Variants in ROBO2 observed in about 807,000 individuals in gnomAD.
ROBO2 encodes roundabout guidance receptor 2.
A neutral mutation model predicts 160.8 loss-of-function variants in ROBO2; 53 were observed. The ratio of observed to expected loss-of-function variants is 0.33; its 90% CI spans 0.26 to 0.41. The LOEUF is 0.41. Among genes scored for constraint, ROBO2 ranks in the 10% least tolerant of loss-of-function variants. The pLI is 1.00. For missense variants in ROBO2, 1,577 were observed against 1,722.4 expected (o/e 0.92, Z 1.49); for synonymous variants, 664 against 611.7 (o/e 1.09, Z -1.26).
At chr3:76,544,744 T>A (rs762154819) in intron 2 of ROBO2, among the ~76,000 whole-genome samples, 1 of 151,992 alleles carries the variant, frequency 6.6e-6, no homozygotes, top group Non-Finnish European at 1.5e-5. Context: ...TTCCTGTGCC[T>A]CTGTTTCCTC....
At chr3:76,435,007 A>G (rs1170465908) in intron 2 of ROBO2, 4 of 1,498,172 alleles carry the variant, frequency 2.7e-6, no homozygotes, top group East Asian at 2.3e-5. Flanking sequence ...AATCAGGAAA[A>G]TGTTTCCAAC....
intron 1 of ROBO2, among the ~76,000 whole-genome samples, chr3:77,096,624 AT>A (rs2071102992): frequency 6.6e-6 from 1 of 151,806 alleles, no homozygotes; most frequent in Non-Finnish European, 1.5e-5. Flanking sequence ...AAGTTTTTAC[AT>A]TTTTAGTAGA....
At chr3:77,059,405 A>G (rs944987031) in intron 1 of ROBO2, among the ~76,000 whole-genome samples, 2 of 152,240 alleles carry the variant, frequency 1.3e-5, no homozygotes, top group Non-Finnish European at 2.9e-5. Context: ...TGAACATTTA[A>G]GGATTCATGA....
chr3:75,911,455 A>C (rs1946576091), intron 1 of ROBO2, among the ~76,000 whole-genome samples: 1 of 151,606 alleles, frequency 6.6e-6, no homozygotes, highest in Non-Finnish European at 1.5e-5. Flanking sequence ...AGGTCCAATT[A>C]GGATTAGATT....
At chr3:76,807,529 A>G (rs2064825564) in intron 2 of ROBO2, among the ~76,000 whole-genome samples, 1 of 152,088 alleles carries the variant, frequency 6.6e-6, no homozygotes, top group Non-Finnish European at 1.5e-5. Context: ...TTATTAACTC[A>G]TCAAAAATTG....
intron 2 of ROBO2, among the ~76,000 whole-genome samples, chr3:77,016,018 C>T (rs2062220972): frequency 6.6e-6 from 1 of 151,782 alleles, no homozygotes; most frequent in South Asian, 2.1e-4. Flanking sequence ...GCTCTGTCGC[C>T]CAGGCTGGAG....
chr3:77,394,993 A>G (rs1414797495), intron 2 of ROBO2, among the ~76,000 whole-genome samples: 1 of 152,168 alleles, frequency 6.6e-6, no homozygotes, highest in Non-Finnish European at 1.5e-5. Context: ...TCATATTAAC[A>G]GAGTGTTTAC....
chr3:76,603,351 A>AAAAAAAAAAT (rs1553826368), intron 2 of ROBO2, among the ~76,000 whole-genome samples: 1 of 26,406 alleles, frequency 3.8e-5, no homozygotes, highest in African/African-American at 2.4e-4. Flanking sequence ...AAAAAAAAAA[A>AAAAAAAAAAT]ATATATATAT....
At chr3:77,364,587 AAC>A (rs1265248982) in intron 2 of ROBO2, among the ~76,000 whole-genome samples, 57 of 152,298 alleles carry the variant, frequency 3.7e-4, no homozygotes, top group African/African-American at 1.3e-3. Context: ...TTGGGGTCAG[AAC>A]ACTGGTTCTC....
At chr3:77,415,358 G>A (rs750801754) in intron 2 of ROBO2, among the ~76,000 whole-genome samples, 1 of 152,154 alleles carries the variant, frequency 6.6e-6, no homozygotes. Flanking sequence ...CAATGGTGAC[G>A]TTAAGTATGT....
chr3:77,041,965 G>T (rs1321915812), intron 1 of ROBO2, among the ~76,000 whole-genome samples: 2 of 152,098 alleles, frequency 1.3e-5, no homozygotes, highest in Non-Finnish European at 2.9e-5. Context: ...TCATTATTTG[G>T]GACACTGCCT....
chr3:77,340,323 A>G (rs930539254), intron 2 of ROBO2, among the ~76,000 whole-genome samples: 2 of 152,126 alleles, frequency 1.3e-5, no homozygotes, highest in African/African-American at 4.8e-5. Flanking sequence ...TAAAGAACAT[A>G]TCTTAATGAA....
At chr3:77,020,871 G>T (rs912896199) in intron 2 of ROBO2, among the ~76,000 whole-genome samples, 2 of 152,024 alleles carry the variant, frequency 1.3e-5, no homozygotes, top group African/African-American at 4.8e-5. Context: ...AACAAACAGT[G>T]GGAAAAGATA....
At chr3:76,298,818 A>G (rs768857080) in intron 2 of ROBO2, among the ~76,000 whole-genome samples, 4 of 152,230 alleles carry the variant, frequency 2.6e-5, no homozygotes, top group Non-Finnish European at 5.9e-5. Context: ...AAGATTTAGT[A>G]TCAAATTTTA....
At chr3:76,352,262 G>GA (rs1311636029) in intron 2 of ROBO2, among the ~76,000 whole-genome samples, 1 of 151,904 alleles carries the variant, frequency 6.6e-6, no homozygotes, top group African/African-American at 2.4e-5. Flanking sequence ...CCCACACTGG[G>GA]AAAAAACTAC....
chr3:77,294,321 G>A (rs1447957630), intron 2 of ROBO2, among the ~76,000 whole-genome samples: 2 of 143,018 alleles, frequency 1.4e-5, no homozygotes, highest in African/African-American at 5.4e-5. Flanking sequence ...AAACGGGTAA[G>A]CTGAGGCTAG....
At chr3:76,747,921 C>T (rs2093919865) in intron 2 of ROBO2, among the ~76,000 whole-genome samples, 1 of 151,788 alleles carries the variant, frequency 6.6e-6, no homozygotes, top group Non-Finnish European at 1.5e-5. Context: ...GTATAAATTT[C>T]ATTTAATATT....
chr3:76,758,261 A>C (rs539465359), intron 2 of ROBO2, among the ~76,000 whole-genome samples: 1 of 151,906 alleles, frequency 6.6e-6, no homozygotes, highest in Non-Finnish European at 1.5e-5. Flanking sequence ...TTCTTCTGAA[A>C]GTCATTATCC....
At chr3:76,852,693 G>A (rs2069537898) in intron 2 of ROBO2, among the ~76,000 whole-genome samples, 1 of 151,992 alleles carries the variant, frequency 6.6e-6, no homozygotes, top group South Asian at 2.1e-4. Flanking sequence ...TGAAATAATG[G>A]CAATATTGTG....
Sources: gnomAD v4.1 joint callset for allele counts (sites outside exome capture counted in the v4.1 genomes callset) on GRCh38, gnomAD v4.1.1 for gene constraint, MANE v1.5 for transcripts, NCBI Gene and HGNC (gene_info 2026-07-23, HGNC 2026-07-21) for gene names.